Variants in EPB41L1 observed in about 807,000 individuals in gnomAD.
EPB41L1 encodes erythrocyte membrane protein band 4.1 like 1.
EPB41L1 carries 29 observed loss-of-function variants against 97.8 expected under a neutral mutation model. That is an observed-to-expected ratio of 0.30 (90% CI 0.22 to 0.40). EPB41L1 has a LOEUF of 0.40. Ranked by LOEUF, EPB41L1 falls within the 10% of genes least tolerant of loss-of-function variation. The pLI is 1.00. For missense variants in EPB41L1, 812 were observed against 1,162.3 expected, an observed-to-expected ratio of 0.70 and a Z score of 4.38; for synonymous variants, 383 against 459.2, an observed-to-expected ratio of 0.83 and a Z score of 2.12.
intron 2 of EPB41L1, among the ~76,000 whole-genome samples, chr20:36,112,649 G>A (rs2058442948): frequency 6.6e-6 from 1 of 152,228 alleles, no homozygotes; most frequent in South Asian, 2.1e-4. Flanking sequence ...CCATGCTGGG[G>A]ACCCTCCCTG....
chr20:36,157,288 A>G (rs966044523), intron 1 of EPB41L1, among the ~76,000 whole-genome samples: 5 of 152,212 alleles, frequency 3.3e-5, no homozygotes, highest in Non-Finnish European at 7.3e-5. Context: ...TGATTACACA[A>G]TCAAAGTGAT....
At chr20:36,107,381 C>T (rs906621981) in intron 1 of EPB41L1, among the ~76,000 whole-genome samples, 7 of 151,394 alleles carry the variant, frequency 4.6e-5, no homozygotes, top group Non-Finnish European at 8.8e-5. Context: ...CCACCATACC[C>T]GGCTAATTTT....
intron 2 of EPB41L1, among the ~76,000 whole-genome samples, chr20:36,127,577 A>G (rs1328932779): frequency 6.6e-6 from 1 of 152,170 alleles, no homozygotes; most frequent in Non-Finnish European, 1.5e-5. Context: ...TAGGTCCAGG[A>G]AAGCTAGCCT....
rs965716005 is a variant in EPB41L1, at chr20:36,177,006, C to T, written c.343-946C>T. ...CAAAGGAAAGGGCTGTCTTCTATGT[C>T]CTCTCTCCTACCTTGATGGGCCCCA... On this transcript the variant is annotated intron_variant, in intron 3 of 21. Coordinates refer to ENST00000338074, the MANE Select transcript of EPB41L1 (RefSeq NM_012156.2). Among the ~76,000 whole-genome samples the T allele has an allele frequency of 4.6e-5, 7 of 152,194 alleles. No homozygotes were observed. In the South Asian group the frequency reaches 1.0e-3, roughly 23 times the overall value.
At chr20:36,115,268 C>T (rs1297139688) in intron 2 of EPB41L1, among the ~76,000 whole-genome samples, 1 of 152,176 alleles carries the variant, frequency 6.6e-6, no homozygotes, top group African/African-American at 2.4e-5. Flanking sequence ...CTTCAGAGAC[C>T]ATGCTCTGAC....
At chr20:36,135,849 T>A (rs755954482) in intron 2 of EPB41L1, among the ~76,000 whole-genome samples, 3 of 152,190 alleles carry the variant, frequency 2.0e-5, no homozygotes, top group Non-Finnish European at 2.9e-5. Context: ...CCCACAGGCC[T>A]GTTCAGTGAT....
chr20:36,214,389 G>A lies in EPB41L1; in HGVS notation c.2217G>A (p.Glu739=). Residue 739 remains glutamate (E), a synonymous_variant, in exon 17 of 22, where the codon GAG becomes GAA. Transcript: ENST00000338074. ...ATGGGAGTGCCTCAGTGGGGAGGGA[G>A]TTCATAGCAACCACTCCCTCCATCA... ...QVDGSASVGR[E]FIATTPSITT... The A allele has an allele frequency of 6.2e-7, 1 of 1,613,816 alleles. No individual in the cohort carries two copies. Among genetic ancestry groups the A allele is most frequent in the East Asian group, 2.2e-5 (1 of 44,862 alleles).
At chr20:36,215,384 G>A (rs1222798478) in intron 17 of EPB41L1, among the ~76,000 whole-genome samples, 3 of 152,170 alleles carry the variant, frequency 2.0e-5, no homozygotes, top group South Asian at 2.1e-4. Context: ...CTGGGGCTGC[G>A]GTTGCAGCCA....
Position 36,154,926 on chromosome 20 carries a change from C to T in EPB41L1, c.-15+30C>T, listed in dbSNP as rs1290791698. 1.8e-6 allele frequency: 2 copies of T among 1,099,138 alleles called. No individual in the cohort carries two copies. The highest frequency in any genetic ancestry group is 4.8e-5 in the Admixed American group (1 of 20,906). The allele number at this position is 1,099,138 out of a possible 1,614,324, so 68.1% of individuals were successfully genotyped here. ...GCACATGGGGGAATCAGGTGGCTCT[C>T]GGGGCCGGGGGCTTGCAACATCTAG... On this transcript the variant is annotated intron_variant, in intron 1 of 21. Coordinates refer to ENST00000338074, the MANE Select transcript of EPB41L1 (RefSeq NM_012156.2). The surrounding 1 kb of genome is among the most constrained non-coding windows in gnomAD (Gnocchi z 5.5).
intron 1 of EPB41L1, among the ~76,000 whole-genome samples, chr20:36,156,957 T>G (rs1002105453): frequency 4.6e-5 from 7 of 152,048 alleles, no homozygotes; most frequent in African/African-American, 1.2e-4. Context: ...CGTGCGCCAT[T>G]GCGCACGCCT....
intron 2 of EPB41L1, among the ~76,000 whole-genome samples, chr20:36,141,422 A>G (rs2147828993): frequency 6.6e-6 from 1 of 152,220 alleles, no homozygotes; most frequent in South Asian, 2.1e-4. Context: ...CCTGGAGGGT[A>G]CTTCCGCTGT....
Position 36,121,809 on chromosome 20 carries a change from A to G in EPB41L1, c.-10+9329A>G, listed in dbSNP as rs2058760094. 1.3e-5 allele frequency: 2 copies of G among 152,294 alleles called. 1 individual carries two copies. The highest frequency in any genetic ancestry group is 4.1e-4 in the South Asian group (2 of 4,840). 9.4% of individuals were successfully genotyped at this position (152,294 alleles called of 1,614,324 possible). ...GCCAGACCTGTCCAGCAGGGACCCC[A>G]TACACTGGTGGGTGTAACCTCTTAT... is the stretch of plus-strand genomic sequence containing the variant. On this transcript the variant is annotated intron_variant, in intron 2 of 19. Coordinates refer to the EPB41L1 transcript ENST00000202028.
intron 2 of EPB41L1, among the ~76,000 whole-genome samples, chr20:36,144,771 T>C (rs968575939): frequency 3.9e-5 from 6 of 152,204 alleles, no homozygotes; most frequent in African/African-American, 1.4e-4. Context: ...GAGTGAATAA[T>C]AGGACTGATA....
At chr20:36,214,732 G>C (rs528403771) in intron 17 of EPB41L1, among the ~76,000 whole-genome samples, 4 of 152,134 alleles carry the variant, frequency 2.6e-5, no homozygotes, top group Non-Finnish European at 4.4e-5. Flanking sequence ...GTCTTCTTTG[G>C]TTATTGGCAC....
intron 1 of EPB41L1, among the ~76,000 whole-genome samples, chr20:36,157,491 C>A (rs1310103959): frequency 1.3e-5 from 2 of 152,194 alleles, no homozygotes; most frequent in African/African-American, 2.4e-5. Context: ...CAGAGCCCTT[C>A]TTTCTACCAT....
chr20:36,209,883 T>A lies in EPB41L1; in HGVS notation c.2064T>A (p.Asp688Glu), dbSNP rs2063035340. 6.2e-7 allele frequency: 1 copy of A among 1,613,196 alleles called. No homozygotes were observed. The highest frequency in any genetic ancestry group is 1.7e-5 in the Admixed American group (1 of 59,990). Residue 688 changes from aspartate (D) to glutamate (E), a missense_variant, in exon 15 of 22, where the codon GAT (aspartate) becomes GAA (glutamate). By Grantham distance (45) the Asp-to-Glu change is conservative. Coordinates refer to ENST00000338074, the MANE Select transcript of EPB41L1 (RefSeq NM_012156.2). The surrounding 1 kb of genome is among the most constrained non-coding windows in gnomAD (Gnocchi z 4.2). ...ATCGAGGGGCCTGCTCCACCCCGGA[T>A]ATGCCCCAGTTTGAGGTACAGTGGA... ...SPDRGACSTP[D>E]MPQFEPVKTE...
chr20:36,132,263 C>T (rs1176246195), intron 2 of EPB41L1, among the ~76,000 whole-genome samples: 1 of 152,094 alleles, frequency 6.6e-6, no homozygotes, highest in Non-Finnish European at 1.5e-5. Flanking sequence ...GGCAGAGCTG[C>T]TAGGGGAGGA....
At chr20:36,219,717 G>A in intron 18 of EPB41L1, 44 bp from the exon 19 acceptor site, 2 of 1,583,132 alleles carry the variant, frequency 1.3e-6, no homozygotes, top group Non-Finnish European at 1.7e-6. Context: ...AGAGCCCACT[G>A]TCCTTACCTG....
chr20:36,107,622 G>A (rs1473943018), intron 1 of EPB41L1, among the ~76,000 whole-genome samples: 2 of 127,068 alleles, frequency 1.6e-5, no homozygotes, highest in Non-Finnish European at 3.3e-5. Flanking sequence ...TTGACGTCAG[G>A]AGTTCGAGAC....
Sources: allele counts gnomAD v4.1 joint callset (sites outside exome capture counted in the v4.1 genomes callset), GRCh38; gene constraint gnomAD v4.1.1; non-coding constraint Gnocchi (gnomAD v3.1); transcripts MANE v1.5; gene names NCBI Gene and HGNC (gene_info 2026-07-23, HGNC 2026-07-21).